FGGY: variants seen among roughly 807,000 people sequenced by gnomAD.
The protein encoded by FGGY is FGGY carbohydrate kinase domain containing.
In FGGY, 72 loss-of-function variants were observed where a neutral mutation model predicts 71.3. That is an observed-to-expected ratio of 1.01 (90% CI 0.84 to 1.23). The LOEUF (loss-of-function observed/expected upper bound fraction) is 1.23. Among genes scored for constraint, FGGY ranks in the 50% most tolerant of loss-of-function variants. The pLI is 0.00. For missense variants in FGGY, 668 were observed against 682.3 expected (o/e 0.98, Z 0.23); for synonymous variants, 251 against 250.3 (o/e 1.00, Z -0.02).
At chr1:59,343,110 G>C (rs1206093634) in intron 3 of FGGY, among the ~76,000 whole-genome samples, 1 of 152,136 alleles carries the variant, frequency 6.6e-6, no homozygotes, top group Non-Finnish European at 1.5e-5. Flanking sequence ...AGGGAGTTAT[G>C]ACCTAGTCTC....
rs755252536 is a variant in FGGY, at chr1:59,546,516, TGATGATGATG to T, written c.800-7607_800-7598del. Reference sequence around the variant, plus strand: ...AGGATGATGATGATGATGATGATGATGATGATGATGATGATGATGATTATTATTATTATTA... The same window carrying T: ...AGGATGATGATGATGATGATGATGATATGATGATGATTATTATTATTATTA... On this transcript the variant is annotated intron_variant, in intron 7 of 15. Coordinates refer to ENST00000303721, the MANE Select transcript of FGGY (RefSeq NM_018291.5). 5.2e-3 allele frequency among the ~76,000 whole-genome samples: 767 copies of T among 147,570 alleles called. 6 individuals carry two copies. The highest frequency in any genetic ancestry group is 0.018 in the African/African-American group (697 of 39,386).
intron 7 of FGGY, among the ~76,000 whole-genome samples, chr1:59,552,995 A>G (rs1009304801): frequency 6.6e-6 from 1 of 152,186 alleles, no homozygotes; most frequent in Non-Finnish European, 1.5e-5. Flanking sequence ...GCATGAGACT[A>G]TTTAACAGGG....
chr1:59,549,492 TA>T (rs765306434), intron 7 of FGGY, among the ~76,000 whole-genome samples: 4 of 152,240 alleles, frequency 2.6e-5, no homozygotes, highest in African/African-American at 4.8e-5. Flanking sequence ...TAAACTCGAC[TA>T]AATTACTTCA....
chr1:59,415,241 A>C (rs898676191), intron 5 of FGGY, among the ~76,000 whole-genome samples: 1 of 152,250 alleles, frequency 6.6e-6, no homozygotes, highest in Non-Finnish European at 1.5e-5. Flanking sequence ...GAAAAGGCTG[A>C]AAGAAGTTTT....
At chr1:59,754,296 C>T (rs1022295769) in intron 14 of FGGY, among the ~76,000 whole-genome samples, 2 of 152,214 alleles carry the variant, frequency 1.3e-5, no homozygotes, top group Non-Finnish European at 2.9e-5. Flanking sequence ...AACCTCTCGC[C>T]TGAAATATTG....
chr1:59,600,101 GA>G (rs1240717749), intron 8 of FGGY, among the ~76,000 whole-genome samples: 1 of 152,206 alleles, frequency 6.6e-6, no homozygotes, highest in Non-Finnish European at 1.5e-5. Flanking sequence ...TTGGGTCAGG[GA>G]AACGAGTTTA....
chr1:59,519,222 T>C (rs1198075400), intron 7 of FGGY, among the ~76,000 whole-genome samples: 2 of 152,190 alleles, frequency 1.3e-5, no homozygotes, highest in Non-Finnish European at 2.9e-5. Flanking sequence ...CATGATCCAC[T>C]CTGCTCTTTA....
intron 7 of FGGY, among the ~76,000 whole-genome samples, chr1:59,534,202 G>A (rs997194253): frequency 7.2e-5 from 11 of 152,138 alleles, no homozygotes; most frequent in Non-Finnish European, 1.3e-4. Flanking sequence ...CTCAGGAGCC[G>A]ATGCGATCAC....
chr1:59,722,267 C>T (rs1400299508), intron 14 of FGGY, among the ~76,000 whole-genome samples: 1 of 151,898 alleles, frequency 6.6e-6, no homozygotes, highest in African/African-American at 2.4e-5. Flanking sequence ...TACTTACTAT[C>T]AGTGTAACTT....
chr1:59,389,510 A>T (rs2060459865), intron 5 of FGGY, among the ~76,000 whole-genome samples: 1 of 151,902 alleles, frequency 6.6e-6, no homozygotes. Context: ...CATCGTTTCT[A>T]CCTTTTGGCT....
At chr1:59,433,508 G>T (rs940428818) in intron 5 of FGGY, among the ~76,000 whole-genome samples, 1 of 152,124 alleles carries the variant, frequency 6.6e-6, no homozygotes, top group Admixed American at 6.5e-5. Context: ...CCTTCACGGG[G>T]AATACCAGAG....
intron 6 of FGGY, among the ~76,000 whole-genome samples, chr1:59,459,387 G>A (rs2091984955): frequency 6.6e-6 from 1 of 152,090 alleles, no homozygotes; most frequent in South Asian, 2.1e-4. Flanking sequence ...CTTGGTTTGG[G>A]AACATTCACA....
At chr1:59,388,339 G>A (rs1342291605) in intron 5 of FGGY, among the ~76,000 whole-genome samples, 2 of 152,136 alleles carry the variant, frequency 1.3e-5, no homozygotes, top group Non-Finnish European at 2.9e-5. Context: ...CCCTTAAAAT[G>A]TGGCTTAATC....
chr1:59,374,064 A>G (rs903973453), intron 4 of FGGY, among the ~76,000 whole-genome samples: 2 of 152,264 alleles, frequency 1.3e-5, no homozygotes, highest in Non-Finnish European at 2.9e-5. Context: ...GGATCTCATT[A>G]AACTAAAGAG....
intron 12 of FGGY, 64 bp downstream of exon 12, chr1:59,660,357 C>A (rs893308985): frequency 1.6e-6 from 2 of 1,253,550 alleles, no homozygotes; most frequent in Admixed American, 1.8e-5. Flanking sequence ...AGGCCACTGG[C>A]TCCCCAAGAT....
At chr1:59,487,411 A>G (rs2093688855) in intron 6 of FGGY, among the ~76,000 whole-genome samples, 1 of 152,168 alleles carries the variant, frequency 6.6e-6, no homozygotes, top group Non-Finnish European at 1.5e-5. Context: ...TGTGCCTGCC[A>G]GATTATACAT....
At position 59,499,293 on chromosome 1, in the gene FGGY, A is replaced by G. The variant is rs1287464724; in HGVS notation, c.671-13018A>G. Among the ~76,000 whole-genome samples the G allele has an allele frequency of 6.8e-5, 5 of 73,622 alleles. No individual in the cohort carries two copies. In the South Asian group the frequency reaches 1.3e-3, roughly 19 times the overall value. 48.3% of individuals were successfully genotyped at this position (73,622 alleles called of 152,430 possible). A position where few individuals can be genotyped will look rare whatever the true frequency, so the allele number is the denominator to read the frequency against. On this transcript the variant is annotated intron_variant, in intron 6 of 15. Coordinates refer to ENST00000303721, the MANE Select transcript of FGGY (RefSeq NM_018291.5). ...GGTAGTACTGAACCCTATGTATACTATGTTTGTTTTTTTTTTTTTTTTGAT... is the reference window on the plus strand; with the variant it reads ...GGTAGTACTGAACCCTATGTATACTGTGTTTGTTTTTTTTTTTTTTTTGAT...
intron 9 of FGGY, among the ~76,000 whole-genome samples, chr1:59,611,869 C>G (rs1053571834): frequency 1.3e-5 from 2 of 151,960 alleles, no homozygotes; most frequent in Admixed American, 6.6e-5. Context: ...CCTCAGTAGC[C>G]GATTTGATCA....
At chr1:59,536,708 T>C (rs1282585857) in intron 7 of FGGY, among the ~76,000 whole-genome samples, 4 of 152,076 alleles carry the variant, frequency 2.6e-5, no homozygotes, top group Admixed American at 1.3e-4. Context: ...TATAGGTAAA[T>C]CAAAAAATAT....
Sources: gnomAD v4.1 joint callset for allele counts (sites outside exome capture counted in the v4.1 genomes callset) on GRCh38, gnomAD v4.1.1 for gene constraint, MANE v1.5 for transcripts, NCBI Gene and HGNC (gene_info 2026-07-23, HGNC 2026-07-21) for gene names.